ARHGAP26: variants seen among roughly 807,000 people sequenced by gnomAD.
ARHGAP26 encodes the protein rho GTPase-activating protein 26.
Under a neutral mutation model 104.8 loss-of-function variants are expected in ARHGAP26, and 38 were observed. The observed-to-expected ratio is 0.36, with a 90% CI of 0.28 to 0.48. The LOEUF is 0.48. ARHGAP26 is among the 20% of genes least tolerant of loss of function. The pLI, the probability that ARHGAP26 is intolerant of heterozygous loss-of-function variation, is 0.99. For missense variants in ARHGAP26, 704 were observed against 947.9 expected (o/e 0.74, Z 3.38); for synonymous variants, 341 against 340.0 (o/e 1.00, Z -0.03).
intron 12 of ARHGAP26, among the ~76,000 whole-genome samples, chr5:143,028,208 C>CTT (rs1253255630): frequency 6.6e-6 from 1 of 152,136 alleles, no homozygotes; most frequent in Non-Finnish European, 1.5e-5. Flanking sequence ...AATGATGCAC[C>CTT]TAACTGTGTA....
intron 11 of ARHGAP26, among the ~76,000 whole-genome samples, chr5:142,938,162 A>G (rs564432331): frequency 3.3e-5 from 5 of 152,294 alleles, no homozygotes; most frequent in African/African-American, 9.6e-5. Flanking sequence ...GTTTTAAAAG[A>G]TAGTATCATT....
At chr5:143,100,267 T>C (rs576552010) in intron 17 of ARHGAP26, among the ~76,000 whole-genome samples, 9 of 152,170 alleles carry the variant, frequency 5.9e-5, no homozygotes, top group Admixed American at 1.3e-4. Flanking sequence ...ACACAAATAC[T>C]CATCCTAGAG....
intron 17 of ARHGAP26, among the ~76,000 whole-genome samples, chr5:143,098,569 A>G (rs1792752460): frequency 6.6e-6 from 1 of 152,200 alleles, no homozygotes; most frequent in African/African-American, 2.4e-5. Flanking sequence ...GAGAAAGACC[A>G]ATTCTTTATA....
At chr5:142,823,159 A>G (rs973297294) in intron 1 of ARHGAP26, among the ~76,000 whole-genome samples, 1 of 152,142 alleles carries the variant, frequency 6.6e-6, no homozygotes, top group African/African-American at 2.4e-5. Context: ...GTGAAGGTGG[A>G]GCTGAGGGTG....
intron 17 of ARHGAP26, among the ~76,000 whole-genome samples, chr5:143,082,141 A>C (rs964479989): frequency 6.6e-6 from 1 of 151,240 alleles, no homozygotes; most frequent in Admixed American, 6.6e-5. Flanking sequence ...TTGCTTTGCT[A>C]TTTATAACTT....
intron 11 of ARHGAP26, among the ~76,000 whole-genome samples, chr5:142,945,875 T>A (rs1456177159): frequency 2.0e-5 from 3 of 152,226 alleles, no homozygotes; most frequent in Non-Finnish European, 4.4e-5. Context: ...TATATATTTT[T>A]CTGGTCCAGT....
At chr5:143,208,246 A>G (rs1234375683) in intron 21 of ARHGAP26, among the ~76,000 whole-genome samples, 2 of 152,200 alleles carry the variant, frequency 1.3e-5, no homozygotes, top group African/African-American at 4.8e-5. Context: ...CAGAATTCCT[A>G]TGCTGTGGAG....
At chr5:142,919,606 T>G (rs2152500807) in intron 10 of ARHGAP26, among the ~76,000 whole-genome samples, 1 of 152,274 alleles carries the variant, frequency 6.6e-6, no homozygotes, top group East Asian at 1.9e-4. Context: ...GAACCCCACT[T>G]CACAAAGCAG....
intron 3 of ARHGAP26, among the ~76,000 whole-genome samples, chr5:142,878,543 A>ATGTG (rs3059615): frequency 2.7e-5 from 4 of 150,644 alleles, no homozygotes; most frequent in Non-Finnish European, 5.9e-5. Context: ...GTGTGCACGC[A>ATGTG]TGTGTGTGTG....
intron 20 of ARHGAP26, among the ~76,000 whole-genome samples, chr5:143,176,978 T>G (rs1264255939): frequency 6.6e-6 from 1 of 152,224 alleles, no homozygotes; most frequent in African/African-American, 2.4e-5. Flanking sequence ...CTAATTAGGC[T>G]ACAATATCAA....
chr5:142,771,235 G>A (rs999642026), intron 1 of ARHGAP26: 3 of 1,253,496 alleles, frequency 2.4e-6, no homozygotes, highest in Non-Finnish European at 3.0e-6. Flanking sequence ...CCAGAGTGCC[G>A]AGCGCGCCGC....
intron 6 of ARHGAP26, among the ~76,000 whole-genome samples, 178 bp downstream of exon 6, chr5:142,894,526 A>G (rs938097291): frequency 3.9e-5 from 6 of 152,336 alleles, no homozygotes; most frequent in Middle Eastern, 3.4e-3. Flanking sequence ...CCCAGCAGCC[A>G]TTCCTGTACA....
intron 20 of ARHGAP26, among the ~76,000 whole-genome samples, chr5:143,162,074 A>C (rs978754434): frequency 6.6e-6 from 1 of 152,060 alleles, no homozygotes; most frequent in Non-Finnish European, 1.5e-5. Flanking sequence ...ATGCTGCTGG[A>C]AGGTTGGTAA....
chr5:142,851,894 G>C (rs1433347385), intron 1 of ARHGAP26, among the ~76,000 whole-genome samples: 1 of 152,132 alleles, frequency 6.6e-6, no homozygotes, highest in Non-Finnish European at 1.5e-5. Context: ...ACTTGCCTGA[G>C]GTCATAGCAG....
chr5:143,069,515 G>A (rs560604913), intron 17 of ARHGAP26, among the ~76,000 whole-genome samples: 1 of 152,232 alleles, frequency 6.6e-6, no homozygotes, highest in African/African-American at 2.4e-5. Context: ...GTCTCTCCTG[G>A]GTAAGGTCCC....
intron 19 of ARHGAP26, among the ~76,000 whole-genome samples, chr5:143,144,006 G>A (rs560398319): frequency 3.3e-5 from 5 of 152,346 alleles, no homozygotes; most frequent in African/African-American, 9.6e-5. Flanking sequence ...AGGCGGGCAA[G>A]CATTCTCACT....
At chr5:143,026,430 G>A (rs1397196349) in intron 12 of ARHGAP26, among the ~76,000 whole-genome samples, 5 of 152,220 alleles carry the variant, frequency 3.3e-5, no homozygotes, top group Non-Finnish European at 7.3e-5. Flanking sequence ...GATACCTGGA[G>A]CAGGAAAGGT....
chr5:143,187,980 C>T (rs1431588560), intron 20 of ARHGAP26, among the ~76,000 whole-genome samples: 2 of 152,158 alleles, frequency 1.3e-5, no homozygotes, highest in African/African-American at 4.8e-5. Context: ...GAGAGCATTC[C>T]ATCTCACAGG....
intron 1 of ARHGAP26, among the ~76,000 whole-genome samples, chr5:142,817,913 T>C (rs1765448769): frequency 6.6e-6 from 1 of 152,196 alleles, no homozygotes; most frequent in African/African-American, 2.4e-5. Flanking sequence ...GAGTTTTAGT[T>C]GTGATTCATT....
Sources: gnomAD v4.1 joint callset for allele counts (sites outside exome capture counted in the v4.1 genomes callset) on GRCh38, gnomAD v4.1.1 for gene constraint, MANE v1.5 for transcripts, NCBI Gene and HGNC (gene_info 2026-07-23, HGNC 2026-07-21) for gene names.